Variants in CTNND2 observed in about 807,000 individuals in gnomAD.
The protein encoded by CTNND2 is catenin delta 2.
Under a neutral mutation model 144.4 loss-of-function variants are expected in CTNND2, and 22 were observed. The observed-to-expected ratio is 0.15, with a 90% CI of 0.11 to 0.22. The LOEUF is 0.22. CTNND2 is among the 10% of genes least tolerant of loss of function. CTNND2 has a pLI of 1.00. For missense variants in CTNND2, 1,353 were observed against 1,618.8 expected (o/e 0.84, Z 2.82); for synonymous variants, 751 against 695.6 (o/e 1.08, Z -1.25).
intron 14 of CTNND2, among the ~76,000 whole-genome samples, chr5:11,101,453 C>A (rs1475325204): frequency 1.5e-4 from 23 of 152,070 alleles, no homozygotes; most frequent in Non-Finnish European, 5.9e-5. Context: ...TGTGAAGATT[C>A]AAGAAAAATC....
intron 9 of CTNND2, among the ~76,000 whole-genome samples, chr5:11,330,298 C>T (rs1444112154): frequency 8.0e-5 from 11 of 138,104 alleles, no homozygotes; most frequent in Non-Finnish European, 1.2e-4. Context: ...GGTGAAACCC[C>T]GTCTCTACTA....
At chr5:11,400,555 A>G (rs997682676) in intron 5 of CTNND2, among the ~76,000 whole-genome samples, 4 of 152,166 alleles carry the variant, frequency 2.6e-5, no homozygotes, top group Admixed American at 6.5e-5. Flanking sequence ...ATTTCCTCAT[A>G]CATTGATGAT....
intron 21 of CTNND2, 76 bp downstream of exon 21, chr5:10,981,697 T>C: frequency 7.2e-7 from 1 of 1,394,390 alleles, no homozygotes; most frequent in Non-Finnish European, 1.0e-6. Flanking sequence ...TGGATGAAAG[T>C]TTATGTTTAA....
chr5:11,483,182 TG>T (rs1333801965), intron 3 of CTNND2, among the ~76,000 whole-genome samples: 1 of 152,020 alleles, frequency 6.6e-6, no homozygotes, highest in Non-Finnish European at 1.5e-5. Flanking sequence ...TCAGAGCCAA[TG>T]GGGTGGATGA....
chr5:11,347,274 C>T (rs1754900821), intron 8 of CTNND2, among the ~76,000 whole-genome samples: 1 of 152,160 alleles, frequency 6.6e-6, no homozygotes, highest in African/African-American at 2.4e-5. Flanking sequence ...GAAACAAACA[C>T]ATTTGGTGAA....
intron 18 of CTNND2, among the ~76,000 whole-genome samples, chr5:11,009,893 T>C (rs985163307): frequency 2.7e-5 from 4 of 150,370 alleles, no homozygotes; most frequent in Non-Finnish European, 1.5e-5. Context: ...TATGAGTGTC[T>C]GAGAGTTGTC....
chr5:11,021,609 C>T (rs1457980829), intron 17 of CTNND2, among the ~76,000 whole-genome samples: 1 of 152,130 alleles, frequency 6.6e-6, no homozygotes. Flanking sequence ...TATGAGAAAA[C>T]ATTCAAATCC....
chr5:11,418,126 G>T (rs567009679), intron 3 of CTNND2, among the ~76,000 whole-genome samples: 1 of 152,154 alleles, frequency 6.6e-6, no homozygotes, highest in South Asian at 2.1e-4. Context: ...GCTCTTTTGG[G>T]CCGGGCGTGG....
intron 12 of CTNND2, among the ~76,000 whole-genome samples, chr5:11,150,753 A>C (rs1399282852): frequency 2.0e-5 from 3 of 150,770 alleles, no homozygotes; most frequent in African/African-American, 7.3e-5. Flanking sequence ...CAGACTCCTG[A>C]GTAGCTGGGA....
At chr5:11,114,385 G>A (rs977538220) in intron 13 of CTNND2, among the ~76,000 whole-genome samples, 1 of 152,088 alleles carries the variant, frequency 6.6e-6, no homozygotes, top group Non-Finnish European at 1.5e-5. Context: ...GGGCGGATGG[G>A]GAGGGAGGAA....
intron 18 of CTNND2, among the ~76,000 whole-genome samples, chr5:10,995,403 G>A (rs2149505300): frequency 1.3e-5 from 2 of 152,318 alleles, no homozygotes; most frequent in Middle Eastern, 6.8e-3. Context: ...CGAATACCGA[G>A]GAGGACCAAG....
chr5:11,065,324 G>C (rs1235454668), intron 16 of CTNND2, among the ~76,000 whole-genome samples: 1 of 152,228 alleles, frequency 6.6e-6, no homozygotes, highest in Non-Finnish European at 1.5e-5. Flanking sequence ...GCAATGCTCA[G>C]TATTGTTTGT....
intron 1 of CTNND2, among the ~76,000 whole-genome samples, chr5:11,829,618 A>T (rs1336345424): frequency 6.6e-6 from 1 of 152,218 alleles, no homozygotes; most frequent in South Asian, 2.1e-4. Context: ...ACTTCAGATG[A>T]TGTATAGAAA....
intron 1 of CTNND2, among the ~76,000 whole-genome samples, chr5:11,900,096 G>A (rs762193838): frequency 1.4e-4 from 22 of 152,130 alleles, no homozygotes; most frequent in Non-Finnish European, 2.8e-4. Flanking sequence ...TTCAATATAT[G>A]TAATTCATTT....
At chr5:11,103,754 G>A (rs961380210) in intron 14 of CTNND2, among the ~76,000 whole-genome samples, 8 of 151,908 alleles carry the variant, frequency 5.3e-5, no homozygotes, top group African/African-American at 1.7e-4. Context: ...GTAAACATGG[G>A]GTTCTTTAAG....
intron 3 of CTNND2, among the ~76,000 whole-genome samples, chr5:11,537,353 T>C (rs1581439116): frequency 6.6e-6 from 1 of 152,220 alleles, no homozygotes; most frequent in South Asian, 2.1e-4. Flanking sequence ...TGATAAATCA[T>C]ATATCTGAAA....
At chr5:10,993,211 AATG>A (rs1259685145) in intron 18 of CTNND2, among the ~76,000 whole-genome samples, 1 of 152,166 alleles carries the variant, frequency 6.6e-6, no homozygotes, top group Non-Finnish European at 1.5e-5. Flanking sequence ...CTGCTCCAGG[AATG>A]ATATTTTTCA....
rs143497506 is a variant in CTNND2 at position 11,732,426 on chromosome 5, T to G, written c.38-154A>C. Among the ~76,000 whole-genome samples, 67 of 152,270 alleles carry G rather than the reference T, an allele frequency of 4.4e-4. 1 individual carries two copies. The East Asian group carries it at 0.012, about 26-fold the overall frequency. On this transcript the variant is annotated intron_variant, in intron 1 of 21. Coordinates refer to ENST00000304623, the MANE Select transcript of CTNND2 (RefSeq NM_001332.4). ...TAATTATAGAACGGGAGTAATACAG[T>G]AAAGTAAAGTAACAGTACAAGTAAA...
At chr5:11,193,230 C>T (rs1054672154) in intron 11 of CTNND2, among the ~76,000 whole-genome samples, 8 of 152,152 alleles carry the variant, frequency 5.3e-5, no homozygotes, top group African/African-American at 1.9e-4. Context: ...GGATTTTGAA[C>T]TTTAACACAC....
Sources: gnomAD v4.1 joint callset for allele counts (sites outside exome capture counted in the v4.1 genomes callset) on GRCh38, gnomAD v4.1.1 for gene constraint, MANE v1.5 for transcripts, NCBI Gene and HGNC (gene_info 2026-07-23, HGNC 2026-07-21) for gene names.